Variants in ASAP1 observed in about 807,000 individuals in gnomAD.
ASAP1 encodes arf-GAP with SH3 domain, ANK repeat and PH domain-containing protein 1.
A neutral mutation model predicts 145.2 loss-of-function variants in ASAP1; 43 were observed. The ratio of observed to expected loss-of-function variants is 0.30; its 90% CI spans 0.23 to 0.38. ASAP1 has a LOEUF of 0.38. Ranked by LOEUF, ASAP1 falls within the 10% of genes least tolerant of loss-of-function variation. The pLI, the probability that ASAP1 is intolerant of heterozygous loss-of-function variation, is 1.00. For missense variants in ASAP1, 1,018 were observed against 1,355.3 expected, an observed-to-expected ratio of 0.75 and a Z score of 3.91; for synonymous variants, 546 against 515.5, an observed-to-expected ratio of 1.06 and a Z score of -0.80.
At chr8:130,305,716 T>C (rs553230722) in intron 3 of ASAP1, among the ~76,000 whole-genome samples, 1 of 152,294 alleles carries the variant, frequency 6.6e-6, no homozygotes, top group South Asian at 2.1e-4. Context: ...ATCTCCATTT[T>C]ATAAATCGAG....
chr8:130,116,767 T>G, intron 21 of ASAP1, 22 bp from the exon 22 acceptor site: 1 of 1,611,120 alleles, frequency 6.2e-7, no homozygotes. Flanking sequence ...AAAAAATTAA[T>G]TTGCATAATT....
Position 130,167,524 on chromosome 8 carries a change from T to G in ASAP1, c.909+12A>C. The stretch of plus-strand genomic sequence containing the variant: ...CACTGTTAGCCCTGTTGTAAACATG[T>G]AAACCACTTACTTCTTTCTGATCCA... On this transcript the variant is annotated intron_variant, in intron 11 of 29. Transcript: ENST00000518721. 1.9e-6 allele frequency: 3 copies of G among 1,609,322 alleles called. No individual in the cohort carries two copies. Among genetic ancestry groups the G allele is most frequent in the Non-Finnish European group, 2.6e-6 (3 of 1,175,680 alleles).
At chr8:130,340,863 C>G (rs544570141) in intron 3 of ASAP1, 90 of 456,080 alleles carry the variant, frequency 2.0e-4, no homozygotes, top group African/African-American at 1.7e-3. Flanking sequence ...TATGATGGCT[C>G]CTGCATGCTT....
chr8:130,108,757 GTTTTTTTTTTTTTTTT>G (rs10568607), intron 24 of ASAP1, among the ~76,000 whole-genome samples: 77 of 51,568 alleles, frequency 1.5e-3, no homozygotes, highest in African/African-American at 5.8e-3. Flanking sequence ...TCAAAAACCA[GTTTTTTTTTTTTTTTT>G]TTTTTTTTTT....
chr8:130,055,127 G>A (rs1263084546), intron 29 of ASAP1, among the ~76,000 whole-genome samples: 1 of 152,142 alleles, frequency 6.6e-6, no homozygotes, highest in Non-Finnish European at 1.5e-5. Flanking sequence ...GCCCAGAGAG[G>A]TGACATGCTC....
intron 3 of ASAP1, among the ~76,000 whole-genome samples, chr8:130,257,589 A>C (rs144982398): frequency 1.6e-4 from 24 of 152,334 alleles, no homozygotes; most frequent in African/African-American, 5.3e-4. Flanking sequence ...TATTTCTCAA[A>C]ATCTGTGCCC....
At chr8:130,203,328 G>T (rs2136327907) in intron 5 of ASAP1, among the ~76,000 whole-genome samples, 1 of 152,324 alleles carries the variant, frequency 6.6e-6, no homozygotes, top group African/African-American at 2.4e-5. Flanking sequence ...GCTGTGCAGG[G>T]TGTACATGGC....
chr8:130,304,444 G>T (rs1822869275), intron 3 of ASAP1, among the ~76,000 whole-genome samples: 1 of 152,054 alleles, frequency 6.6e-6, no homozygotes, highest in Non-Finnish European at 1.5e-5. Context: ...TATATTGAAA[G>T]AATAAAGATA....
intron 1 of ASAP1, among the ~76,000 whole-genome samples, chr8:130,417,973 G>C (rs76646885): frequency 0.034 from 5,179 of 152,298 alleles, 127 homozygotes; most frequent in Middle Eastern, 0.075. Flanking sequence ...CACTGGACTA[G>C]CCAGGTATTG....
At chr8:130,297,723 CG>C (rs939358103) in intron 3 of ASAP1, among the ~76,000 whole-genome samples, 1 of 151,996 alleles carries the variant, frequency 6.6e-6, no homozygotes, top group Non-Finnish European at 1.5e-5. Flanking sequence ...GAAAACAAAG[CG>C]GGGGGGCGGG....
intron 12 of ASAP1, among the ~76,000 whole-genome samples, chr8:130,155,326 T>C (rs1201004648): frequency 6.6e-6 from 1 of 152,122 alleles, no homozygotes; most frequent in Non-Finnish European, 1.5e-5. Flanking sequence ...AAGGGAACAA[T>C]CTTGAGATAT....
intron 27 of ASAP1, among the ~76,000 whole-genome samples, chr8:130,070,237 C>T (rs1251666693): frequency 6.6e-6 from 1 of 152,118 alleles, no homozygotes; most frequent in Non-Finnish European, 1.5e-5. Context: ...CGGGGTTTCA[C>T]CGTGTTAGCC....
intron 1 of ASAP1, among the ~76,000 whole-genome samples, chr8:130,406,877 A>G (rs887211633): frequency 1.3e-5 from 2 of 152,212 alleles, no homozygotes; most frequent in African/African-American, 4.8e-5. Flanking sequence ...ACTTATTTTT[A>G]TGATGCTATT....
chr8:130,296,581 T>C (rs1032232854), intron 3 of ASAP1, among the ~76,000 whole-genome samples: 4 of 151,642 alleles, frequency 2.6e-5, no homozygotes, highest in Non-Finnish European at 4.4e-5. Context: ...GATTTATCAT[T>C]CATTACATGA....
chr8:130,420,642 C>G (rs1829681830), intron 1 of ASAP1, among the ~76,000 whole-genome samples: 1 of 151,924 alleles, frequency 6.6e-6, no homozygotes, highest in African/African-American at 2.4e-5. Context: ...ACCTGTAATC[C>G]CAGCACTGTG....
At chr8:130,074,705 T>G (rs2097458396) in intron 27 of ASAP1, among the ~76,000 whole-genome samples, 1 of 151,938 alleles carries the variant, frequency 6.6e-6, no homozygotes, top group African/African-American at 2.4e-5. Context: ...GTAGTAGGGG[T>G]GGACTCCTGT....
In ASAP1 at chr8:130,060,919, T is replaced by G; in HGVS notation, c.2852A>C (p.Gln951Pro). 1.2e-6 allele frequency: 2 copies of G among 1,611,594 alleles called. No individual in the cohort carries two copies. The highest frequency in any genetic ancestry group is 1.7e-6 in the Non-Finnish European group (2 of 1,178,370). Residue 951 changes from glutamine (Q) to proline (P), a missense_variant, in exon 28 of 30, where the codon CAA becomes CCA. Physicochemically the swap from Gln to Pro is moderately conservative, Grantham distance 76 (BLOSUM62 -1). Around this residue, in one of 9 missense-constraint regions of ASAP1, gnomAD observed 139 missense variants for 131.0 expected, o/e 1.06. Coordinates refer to ENST00000518721, the MANE Select transcript of ASAP1 (RefSeq NM_018482.4). ...PKPTELAPKP[Q>P]IGDLPPKPGE... The stretch of plus-strand genomic sequence containing the variant: ...TGGCTTAGGCGGCAAATCTCCAATT[T>G]GGGGCTTGGGGGCCAGTTCTGTGGG...
At chr8:130,417,981 T>C (rs1017211730) in intron 1 of ASAP1, among the ~76,000 whole-genome samples, 3 of 152,176 alleles carry the variant, frequency 2.0e-5, no homozygotes, top group South Asian at 2.1e-4. Flanking sequence ...TAGCCAGGTA[T>C]TGCTTATGTG....
At chr8:130,186,561 G>A (rs1814744279) in intron 7 of ASAP1, among the ~76,000 whole-genome samples, 2 of 152,052 alleles carry the variant, frequency 1.3e-5, no homozygotes, top group African/African-American at 2.4e-5. Context: ...GAGATGGGCC[G>A]AGCACCCTGC....
Sources: gnomAD v4.1 joint callset for allele counts (sites outside exome capture counted in the v4.1 genomes callset) on GRCh38, gnomAD v4.1.1 for gene constraint, gnomAD v4.1.1 regional missense constraint, MANE v1.5 for transcripts, NCBI Gene and HGNC (gene_info 2026-07-23, HGNC 2026-07-21) for gene names.